The following DPYD variants were observed in gnomAD, a reference collection of about 807,000 sequenced individuals.
The protein encoded by DPYD is dihydropyrimidine dehydrogenase, also known as dihydropyrimidine dehydrogenase [NADP(+)].
In DPYD, 109 loss-of-function variants were observed where a neutral mutation model predicts 116.2. That is an observed-to-expected ratio of 0.94 (90% CI 0.80 to 1.10). The LOEUF (loss-of-function observed/expected upper bound fraction) is 1.10. Ranked by LOEUF, DPYD falls within the 50% of genes least tolerant of loss-of-function variation. The pLI is 0.00. For synonymous variants in DPYD, 440 were observed against 432.0 expected, an observed-to-expected ratio of 1.02 and a Z score of -0.23; for missense variants, 1,302 against 1,254.5, an observed-to-expected ratio of 1.04 and a Z score of -0.57.
intron 8 of DPYD, among the ~76,000 whole-genome samples, chr1:97,631,370 C>T (rs1358758462): frequency 6.6e-6 from 1 of 152,052 alleles, no homozygotes; most frequent in Admixed American, 6.6e-5. Flanking sequence ...TTGTTGTTGG[C>T]GTTTCAACGA....
chr1:97,680,960 A>T (rs1311539408), intron 7 of DPYD, among the ~76,000 whole-genome samples: 1 of 152,138 alleles, frequency 6.6e-6, no homozygotes, highest in Non-Finnish European at 1.5e-5. Context: ...TTCTGAAGGC[A>T]AAATGTTCCT....
intron 2 of DPYD, among the ~76,000 whole-genome samples, chr1:97,851,264 A>ATATATATG (rs1670554824): frequency 6.6e-6 from 1 of 150,770 alleles, no homozygotes; most frequent in Non-Finnish European, 1.5e-5. Context: ...ATATATATAT[A>ATATATATG]TATGTCACTT....
intron 20 of DPYD, among the ~76,000 whole-genome samples, chr1:97,170,139 C>T (rs188215446): frequency 5.0e-4 from 76 of 152,284 alleles, no homozygotes; most frequent in African/African-American, 1.7e-3. Context: ...AGAATACTTT[C>T]AGATGGCCCT....
At chr1:97,593,508 G>T in intron 9 of DPYD, 121 bp from the exon 10 acceptor site, 1 of 1,115,424 alleles carries the variant, frequency 9.0e-7, no homozygotes, top group Non-Finnish European at 1.3e-6. Flanking sequence ...AGGATGAAGT[G>T]TCACTATCAA....
chr1:97,581,383 T>A (rs1653660505), intron 10 of DPYD, among the ~76,000 whole-genome samples: 1 of 143,228 alleles, frequency 7.0e-6, no homozygotes, highest in Admixed American at 7.0e-5. Flanking sequence ...CTTTGTCATG[T>A]GTAAAGGCAG....
rs140838577 is a variant in DPYD, at chr1:97,195,475, T to C, written c.2443-2227A>G. The stretch of plus-strand genomic sequence containing the variant: ...TGTTGCTAGGTTGGTTGAGAGAATT[T>C]ATTGAAAACATACTAGGAGGTTCCA... On this transcript the variant is annotated intron_variant, in intron 19 of 22. Transcript: ENST00000370192. Among the ~76,000 whole-genome samples, 662 of 141,860 alleles carry C rather than the reference T, an allele frequency of 4.7e-3. 6 individuals carry two copies. Among genetic ancestry groups the C allele is most frequent in the African/African-American group, 0.016 (640 of 38,836 alleles). The allele number at this position is 141,860 out of a possible 152,430, so 93.1% of individuals were successfully genotyped here. A position where few individuals can be genotyped will look rare whatever the true frequency, so the allele number is the denominator to read the frequency against.
intron 3 of DPYD, among the ~76,000 whole-genome samples, chr1:97,814,881 G>A (rs549856287): frequency 3.0e-5 from 4 of 133,998 alleles, no homozygotes; most frequent in East Asian, 2.2e-4. Context: ...TACAGCCTAC[G>A]CGACAGAGTG....
At chr1:97,716,465 A>G (rs943039512) in intron 5 of DPYD, among the ~76,000 whole-genome samples, 2 of 152,086 alleles carry the variant, frequency 1.3e-5, no homozygotes, top group African/African-American at 4.8e-5. Flanking sequence ...CCCTGCCAAA[A>G]AAACAAAAGC....
intron 10 of DPYD, among the ~76,000 whole-genome samples, chr1:97,589,777 G>A (rs1654379675): frequency 6.6e-6 from 1 of 152,034 alleles, no homozygotes; most frequent in Admixed American, 6.6e-5. Flanking sequence ...GCATTTTACT[G>A]ACAAACCATG....
intron 11 of DPYD, among the ~76,000 whole-genome samples, chr1:97,563,364 G>T (rs977459446): frequency 6.6e-6 from 1 of 152,070 alleles, no homozygotes; most frequent in Non-Finnish European, 1.5e-5. Flanking sequence ...TACACTCACC[G>T]TATCTATTAC....
rs573093064 is a variant in DPYD at position 97,173,004 on chromosome 1, T to C, written c.2622+20065A>G. On this transcript the variant is annotated intron_variant, in intron 20 of 22. Coordinates refer to ENST00000370192, the MANE Select transcript of DPYD (RefSeq NM_000110.4). ...TAATTCCATAACTCCGATAGCATAA[T>C]AGCAGTTATGTTGAGGAGTGGTAAT... is the stretch of plus-strand genomic sequence containing the variant. 2.6e-5 allele frequency among the ~76,000 whole-genome samples: 4 copies of C among 152,192 alleles called. No individual in the cohort carries two copies. In the East Asian group the frequency reaches 5.8e-4, roughly 22 times the overall value.
intron 20 of DPYD, among the ~76,000 whole-genome samples, chr1:97,143,238 G>A (rs1005607240): frequency 1.3e-5 from 2 of 151,856 alleles, no homozygotes; most frequent in Non-Finnish European, 2.9e-5. Context: ...GGGATGTTTG[G>A]AACAAGGTGT....
At chr1:97,669,076 T>C (rs1413556635) in intron 8 of DPYD, among the ~76,000 whole-genome samples, 2 of 151,804 alleles carry the variant, frequency 1.3e-5, no homozygotes, top group African/African-American at 4.8e-5. Context: ...CTTTCTGCCA[T>C]GTAAGTTTGT....
intron 18 of DPYD, among the ~76,000 whole-genome samples, chr1:97,252,849 G>T (rs772078455): frequency 5.1e-4 from 78 of 152,228 alleles, no homozygotes; most frequent in Admixed American, 1.8e-3. Flanking sequence ...TGTTTTCACA[G>T]GTAGTAACTG....
intron 3 of DPYD, among the ~76,000 whole-genome samples, chr1:97,744,636 T>C (rs962277966): frequency 1.3e-5 from 2 of 152,026 alleles, no homozygotes; most frequent in African/African-American, 4.8e-5. Context: ...TTAAAATATT[T>C]TCCTAATATT....
chr1:97,831,660 T>C (rs927651476), intron 2 of DPYD, among the ~76,000 whole-genome samples: 1 of 151,912 alleles, frequency 6.6e-6, no homozygotes, highest in Non-Finnish European at 1.5e-5. Context: ...TAATTTCCTT[T>C]GACCAATATA....
intron 13 of DPYD, among the ~76,000 whole-genome samples, chr1:97,450,941 A>G (rs539901024): frequency 2.7e-4 from 41 of 152,174 alleles, no homozygotes; most frequent in Admixed American, 4.6e-4. Context: ...GAAGAAGAAT[A>G]ACATTCTTCC....
intron 3 of DPYD, among the ~76,000 whole-genome samples, chr1:97,789,101 C>T (rs1217335134): frequency 1.3e-5 from 2 of 152,182 alleles, no homozygotes; most frequent in African/African-American, 4.8e-5. Context: ...ATGCAAACAC[C>T]TGTGGCTGAA....
At chr1:97,815,385 T>C (rs1668549642) in intron 3 of DPYD, among the ~76,000 whole-genome samples, 1 of 152,152 alleles carries the variant, frequency 6.6e-6, no homozygotes, top group Non-Finnish European at 1.5e-5. Context: ...AATATGTCAA[T>C]ATTTAGACAT....
Sources: gnomAD v4.1 joint callset for allele counts (sites outside exome capture counted in the v4.1 genomes callset) on GRCh38, gnomAD v4.1.1 for gene constraint, MANE v1.5 for transcripts, NCBI Gene and HGNC (gene_info 2026-07-23, HGNC 2026-07-21) for gene names.